The following AGBL5 variants were observed in gnomAD, a reference collection of about 807,000 sequenced individuals.
AGBL5 encodes cytosolic carboxypeptidase-like protein 5.
In AGBL5, 51 loss-of-function variants were observed where a neutral mutation model predicts 88.0. The ratio of observed to expected loss-of-function variants is 0.58; its 90% CI spans 0.46 to 0.73. The LOEUF is 0.73. Ranked by LOEUF, AGBL5 falls within the 30% of genes least tolerant of loss-of-function variation. The probability of loss-of-function intolerance (pLI) is 0.00; values close to 1 mark genes in which losing one functional copy is unlikely to be tolerated. For missense variants in AGBL5, 1,031 were observed against 1,162.2 expected (o/e 0.89, Z 1.64); for synonymous variants, 446 against 438.8 (o/e 1.02, Z -0.21).
chr2:27,056,176 GT>G, intron 7 of AGBL5, 38 bp downstream of exon 7: 1 of 1,588,960 alleles, frequency 6.3e-7, no homozygotes. Flanking sequence ...TGTGAGAAGT[GT>G]TACAGGTTAG....
Position 27,057,431 on chromosome 2 carries a change from T to C in AGBL5, c.1664T>C (p.Phe555Ser). 6.2e-7 allele frequency: 1 copy of C among 1,611,168 alleles called. No individual in the cohort carries two copies. The highest frequency in any genetic ancestry group is 1.1e-5 in the South Asian group (1 of 90,570). The change falls in exon 9 of 15, where the codon TTT becomes TCT. Residue 555 changes from phenylalanine (F) to serine (S), a missense_variant. Physicochemically the swap from Phe to Ser is radical, Grantham distance 155. Coordinates refer to ENST00000360131, the MANE Select transcript of AGBL5 (RefSeq NM_021831.6). ...AFPSRYTVEL[F>S]EQVGRAMAIA... ...CCCTCCAGATACACTGTGGAACTATTTGAGCAGGTATGAATACATGGTGTA... is the reference window on the plus strand; with the variant it reads ...CCCTCCAGATACACTGTGGAACTATCTGAGCAGGTATGAATACATGGTGTA...
At position 27,056,123 on chromosome 2, in the gene AGBL5, T is replaced by C; in HGVS notation, c.1350T>C (p.Ser450=). Residue 450 remains serine (S), a synonymous_variant, in exon 7 of 15, where the codon AGT becomes AGC. Transcript: ENST00000360131. ...RGCFMYGNSF[S]DESTQVENML... The stretch of plus-strand genomic sequence containing the variant: ...GCTTCATGTACGGAAACAGCTTTAG[T>C]GATGAGAGCACCCAGGTGGGAATCC... The C allele has an allele frequency of 6.2e-7, 1 of 1,611,458 alleles. No individual in the cohort carries two copies. Among genetic ancestry groups the C allele is most frequent in the South Asian group, 1.1e-5 (1 of 91,060 alleles).
At chr2:27,055,417 G>A in intron 6 of AGBL5, 164 bp downstream of exon 6, 1 of 1,064,010 alleles carries the variant, frequency 9.4e-7, no homozygotes, top group Non-Finnish European at 1.3e-6. Flanking sequence ...ATCATATCTA[G>A]TGGCACTCCC....
Position 27,070,373 on chromosome 2 carries a change from T to C in AGBL5, c.*110T>C. 1.7e-6 allele frequency: 2 copies of C among 1,190,224 alleles called. No homozygotes were observed. Among genetic ancestry groups the C allele is most frequent in the Non-Finnish European group, 2.4e-6 (2 of 821,064 alleles). The allele number at this position is 1,190,224 out of a possible 1,614,324, so 73.7% of individuals were successfully genotyped here. On this transcript the variant is annotated 3_prime_UTR_variant, in exon 15 of 15. Coordinates refer to ENST00000360131, the MANE Select transcript of AGBL5 (RefSeq NM_021831.6). ...TTCCATGTGACAGCCGTTAAGTCCT[T>C]GGAATGCCAGCCACGCTGTCCAAGG... is the stretch of plus-strand genomic sequence containing the variant.
In AGBL5 at chr2:27,070,533, C is replaced by A; in HGVS notation, c.*270C>A. 2.3e-6 allele frequency: 1 copy of A among 434,816 alleles called. No homozygotes were observed. The highest frequency in any genetic ancestry group is 4.2e-6 in the Non-Finnish European group (1 of 239,898). 26.9% of individuals were successfully genotyped at this position (434,816 alleles called of 1,614,324 possible). On this transcript the variant is annotated 3_prime_UTR_variant, in exon 15 of 15. Transcript: ENST00000360131. ...TGGGGGGAGGGAGTAGAAAAGCAAG[C>A]CCCTATACTGGGCCCTATTCAGTGG...
At chr2:27,057,534 T>G (rs1255339522) in intron 9 of AGBL5, 96 bp downstream of exon 9, 12 of 1,356,312 alleles carry the variant, frequency 8.8e-6, no homozygotes, top group Admixed American at 2.5e-5. Context: ...TTTGAAGAGA[T>G]ATTCATCACT....
intron 7 of AGBL5, 42 bp downstream of exon 7, chr2:27,056,180 C>T: frequency 6.3e-7 from 1 of 1,584,180 alleles, no homozygotes; most frequent in Admixed American, 1.7e-5. Flanking sequence ...AGAAGTGTTA[C>T]AGGTTAGGAG....
chr2:27,055,014 A>G, intron 5 of AGBL5, 61 bp from the exon 6 acceptor site: 2 of 1,564,150 alleles, frequency 1.3e-6, no homozygotes, highest in Non-Finnish European at 1.8e-6. Flanking sequence ...CACCCCCCAT[A>G]TACTGTCAAA....
chr2:27,058,230 CA>C (rs1290593374), intron 9 of AGBL5, among the ~76,000 whole-genome samples, 169 bp from the exon 10 acceptor site: 1 of 152,240 alleles, frequency 6.6e-6, no homozygotes, highest in Non-Finnish European at 1.5e-5. Flanking sequence ...GTTTAGGGAA[CA>C]GCTCCAAATC....
At chr2:27,057,589 C>T (rs1300810401) in intron 9 of AGBL5, 151 bp downstream of exon 9, 5 of 938,156 alleles carry the variant, frequency 5.3e-6, no homozygotes, top group Non-Finnish European at 7.7e-6. Context: ...TTAACAGGAG[C>T]ATAACTACAA....
At chr2:27,062,268 G>T (rs999143859) in intron 11 of AGBL5, among the ~76,000 whole-genome samples, 2 of 151,524 alleles carry the variant, frequency 1.3e-5, no homozygotes, top group African/African-American at 2.4e-5. Flanking sequence ...GGATTACAGG[G>T]ATGCACCACC....
chr2:27,057,317 G>A lies in AGBL5; in HGVS notation c.1550G>A (p.Cys517Tyr). 1.9e-6 allele frequency: 3 copies of A among 1,613,304 alleles called. No individual in the cohort carries two copies. Among genetic ancestry groups the A allele is most frequent in the Non-Finnish European group, 2.5e-6 (3 of 1,179,590 alleles). ...SGIIHSYTLECNYNTGRSVNS... is the reference protein window; with the variant it reads ...SGIIHSYTLEYNYNTGRSVNS... ...TTATGTCTTAGCTACACACTTGAAT[G>A]CAACTACAACACTGGACGCTCAGTA... The change falls in exon 9 of 15, where the codon TGC becomes TAC. Residue 517 changes from cysteine to tyrosine, a missense_variant. Transcript: ENST00000360131.
rs764753761 is a variant in AGBL5, at chr2:27,055,239, C to G, written c.894C>G (p.Val298=). 110 of 1,614,022 alleles carry G rather than the reference C, an allele frequency of 6.8e-5. No homozygotes were observed. The highest frequency in any genetic ancestry group is 9.1e-5 in the Non-Finnish European group (107 of 1,180,014). ...LIPMLNPDGV[V]RGHYRTDSRG... The stretch of plus-strand genomic sequence containing the variant: ...CCATGTTGAACCCCGATGGTGTGGT[C>G]CGGGGACACTACCGGTAAGTGGCTT... The change falls in exon 6 of 15, where the codon GTC becomes GTG. Residue 298 remains valine (V), a synonymous_variant. Transcript: ENST00000360131.
intron 13 of AGBL5, chr2:27,069,247 CTG>C (rs1023922482): frequency 1.0e-6 from 1 of 985,284 alleles, no homozygotes; most frequent in Non-Finnish European, 1.2e-6. Context: ...ATAGAGGGCT[CTG>C]AGAGAGGTCT....
At chr2:27,058,683 T>A (rs914061315) in intron 10 of AGBL5, 81 bp downstream of exon 10, 10 of 1,465,040 alleles carry the variant, frequency 6.8e-6, no homozygotes, top group Non-Finnish European at 9.4e-6. Flanking sequence ...GGGATTTATA[T>A]TCCTTCCATC....
At position 27,056,023 on chromosome 2, in the gene AGBL5, CT is replaced by C; in HGVS notation, c.1251del (p.Asp418IlefsTer50). ...QQSAGLEESA[P>X]DTIPPKESGV... is the part of the protein sequence containing the mutation. ...TCTGCGGGGCTTGAAGAGTCAGCCC[CT>C]GATACCATCCCCCCCAAAGAGAGTG... is the stretch of plus-strand genomic sequence containing the variant. On this transcript the variant is annotated frameshift_variant, in exon 7 of 15. Transcript: ENST00000360131. LOFTEE classifies it high-confidence loss of function. 1.2e-6 allele frequency: 2 copies of C among 1,614,208 alleles called. No homozygotes were observed. The highest frequency in any genetic ancestry group is 8.5e-7 in the Non-Finnish European group (1 of 1,180,028).
In AGBL5 at chr2:27,055,671, T is replaced by C; in HGVS notation, c.909-11T>C. 1 of 1,606,002 alleles carries C rather than the reference T, an allele frequency of 6.2e-7. No homozygotes were observed. The highest frequency in any genetic ancestry group is 1.7e-5 in the Admixed American group (1 of 59,822). ...CCTCTAGAACCTGCTTCAGTCCTTGTTTTCCTACAGCACAGACTCACGTGG... is the reference window on the plus strand; with the variant it reads ...CCTCTAGAACCTGCTTCAGTCCTTGCTTTCCTACAGCACAGACTCACGTGG... On this transcript the variant is annotated splice_polypyrimidine_tract_variant and intron_variant, in intron 6 of 14. Transcript: ENST00000360131.
At chr2:27,063,125 A>C (rs1436286561) in intron 11 of AGBL5, among the ~76,000 whole-genome samples, 1 of 152,248 alleles carries the variant, frequency 6.6e-6, no homozygotes, top group African/African-American at 2.4e-5. Context: ...GGTAGAAGAC[A>C]GAGGAACTAA....
chr2:27,067,741 T>G (rs1227212710), intron 12 of AGBL5, 95 bp downstream of exon 12: 1 of 1,361,930 alleles, frequency 7.3e-7, no homozygotes, highest in Admixed American at 1.7e-5. Context: ...GGGGCATCAC[T>G]TATCCTCTTG....
Sources: allele counts gnomAD v4.1 joint callset (sites outside exome capture counted in the v4.1 genomes callset), GRCh38; gene constraint gnomAD v4.1.1; transcripts MANE v1.5; gene names NCBI Gene and HGNC (gene_info 2026-07-23, HGNC 2026-07-21).